Variants in TMEM131 observed in about 807,000 individuals in gnomAD.
TMEM131 encodes the protein transmembrane protein 131.
A neutral mutation model predicts 211.6 loss-of-function variants in TMEM131; 66 were observed. The ratio of observed to expected loss-of-function variants is 0.31; its 90% confidence interval spans 0.26 to 0.38. The LOEUF (loss-of-function observed/expected upper bound fraction) is 0.38, where lower values mean the gene tolerates loss of function less well. TMEM131 is among the 10% of genes least tolerant of loss of function. The pLI is 1.00. For missense variants in TMEM131, 2,036 were observed against 2,299.3 expected (o/e 0.89, Z 2.34); for synonymous variants, 844 against 841.3 (o/e 1.00, Z -0.06).
intron 4 of TMEM131, among the ~76,000 whole-genome samples, chr2:97,885,844 CTA>C (rs907173328): frequency 9.9e-5 from 15 of 152,202 alleles, no homozygotes; most frequent in African/African-American, 3.6e-4. Flanking sequence ...AAGTTTTCAG[CTA>C]CTATTTCATT....
chr2:97,885,353 A>G (rs184940196), intron 4 of TMEM131, among the ~76,000 whole-genome samples: 3,079 of 149,144 alleles, frequency 0.021, 100 homozygotes, highest in African/African-American at 0.074. Flanking sequence ...CACCACGCCC[A>G]GCTAATTTTT....
chr2:97,844,749 A>G (rs1232424256), intron 5 of TMEM131, among the ~76,000 whole-genome samples: 1 of 152,236 alleles, frequency 6.6e-6, no homozygotes, highest in African/African-American at 2.4e-5. Context: ...ATGTATGTGC[A>G]GGAACTCACT....
At chr2:97,886,717 G>A (rs1451692414) in intron 4 of TMEM131, among the ~76,000 whole-genome samples, 6 of 152,154 alleles carry the variant, frequency 3.9e-5, no homozygotes, top group African/African-American at 7.2e-5. Flanking sequence ...GCTCTAAAAC[G>A]CAGGGCTGTT....
intron 40 of TMEM131, among the ~76,000 whole-genome samples, chr2:97,757,822 A>G (rs1190196984): frequency 6.6e-6 from 1 of 152,270 alleles, no homozygotes; most frequent in Non-Finnish European, 1.5e-5. Flanking sequence ...GCAGTGGTGA[A>G]GCATGGCCTT....
intron 10 of TMEM131, among the ~76,000 whole-genome samples, chr2:97,834,118 T>C (rs1357428006): frequency 6.6e-6 from 1 of 152,226 alleles, no homozygotes; most frequent in Non-Finnish European, 1.5e-5. Flanking sequence ...TACATATTAT[T>C]ATATATAGTC....
chr2:97,781,026 G>A (rs531748639), intron 31 of TMEM131, among the ~76,000 whole-genome samples: 6 of 152,144 alleles, frequency 3.9e-5, no homozygotes, highest in African/African-American at 1.2e-4. Flanking sequence ...CTGCTCCCAC[G>A]ATCTCCACAC....
At chr2:97,886,805 T>C (rs1675180701) in intron 4 of TMEM131, among the ~76,000 whole-genome samples, 1 of 152,250 alleles carries the variant, frequency 6.6e-6, no homozygotes, top group Admixed American at 6.5e-5. Flanking sequence ...CAAAGGGCTG[T>C]TTCTCAGGCC....
chr2:97,877,375 C>G (rs1337255363), intron 4 of TMEM131, among the ~76,000 whole-genome samples: 1 of 152,008 alleles, frequency 6.6e-6, no homozygotes, highest in Non-Finnish European at 1.5e-5. Context: ...CATATGGAAC[C>G]AAAAAAGAAC....
At chr2:97,970,141 T>G (rs534249678) in intron 1 of TMEM131, among the ~76,000 whole-genome samples, 23 of 152,324 alleles carry the variant, frequency 1.5e-4, no homozygotes, top group South Asian at 1.2e-3. Flanking sequence ...GTTTTTCTAC[T>G]GGAACCAGCA....
chr2:97,927,948 G>A (rs113920941), intron 1 of TMEM131, among the ~76,000 whole-genome samples: 5 of 152,166 alleles, frequency 3.3e-5, no homozygotes, highest in Admixed American at 1.3e-4. Context: ...GGGATTTGGT[G>A]AGGAAGTGGG....
At chr2:97,943,192 G>A (rs1248355093) in intron 1 of TMEM131, among the ~76,000 whole-genome samples, 7 of 151,844 alleles carry the variant, frequency 4.6e-5, no homozygotes, top group Admixed American at 2.0e-4. Context: ...AAGTGACAGC[G>A]AGCTATGACT....
rs143157616 is a variant in TMEM131 at position 97,756,368 on chromosome 2, A to G, written c.*731T>C. 641 of 152,366 alleles carry G rather than the reference A, an allele frequency of 4.2e-3. 5 individuals carry two copies. The highest frequency in any genetic ancestry group is 0.015 in the African/African-American group (615 of 41,586). The allele number at this position is 152,366 out of a possible 1,614,324, so 9.4% of individuals were successfully genotyped here. Reference sequence around the variant, plus strand: ...AAAAGCATCATTTATTTCAAAGTACAACACAAAGTTGTATTTTTAAGAAAT... The same window carrying G: ...AAAAGCATCATTTATTTCAAAGTACGACACAAAGTTGTATTTTTAAGAAAT... On this transcript the variant is annotated 3_prime_UTR_variant, in exon 41 of 41. Coordinates refer to ENST00000186436, the MANE Select transcript of TMEM131 (RefSeq NM_015348.2).
chr2:97,984,025 T>C (rs1573653073), intron 1 of TMEM131, among the ~76,000 whole-genome samples: 2 of 152,168 alleles, frequency 1.3e-5, no homozygotes, highest in East Asian at 1.9e-4. Flanking sequence ...GGTTTTTACT[T>C]GGGGCTAGCC....
intron 3 of TMEM131, among the ~76,000 whole-genome samples, chr2:97,899,546 ACCTAT>A (rs1427324415): frequency 6.6e-6 from 1 of 152,138 alleles, no homozygotes; most frequent in East Asian, 1.9e-4. Flanking sequence ...AAAATTTCTG[ACCTAT>A]CAGATCAGCA....
Position 97,888,101 on chromosome 2 carries a change from T to C in TMEM131, c.310A>G (p.Asn104Asp). 3 of 1,613,426 alleles carry C rather than the reference T, an allele frequency of 1.9e-6. No individual in the cohort carries two copies. The highest frequency in any genetic ancestry group is 2.5e-6 in the Non-Finnish European group (3 of 1,179,538). ...QQKSISLYRG[N>D]CRPIRFEPPM... ...GGCTCAAATCGTATGGGCCTGCAAT[T>C]CCCCCGGTAGAGAGATATACTGTAA... Residue 104 changes from asparagine (N) to aspartate (D), a missense_variant, in exon 4 of 41, where the codon AAT (asparagine) becomes GAT (aspartate). This residue lies in a region of TMEM131 where 277 missense variants were observed against 378.0 expected (regional missense o/e 0.73). Transcript: ENST00000186436.
chr2:97,813,184 C>T (rs931777012), intron 15 of TMEM131, among the ~76,000 whole-genome samples: 3 of 152,154 alleles, frequency 2.0e-5, no homozygotes, highest in East Asian at 3.9e-4. Context: ...GGAAGCTAAA[C>T]TACTAAGAGA....
chr2:97,849,477 C>CA (rs1683595990), intron 5 of TMEM131, among the ~76,000 whole-genome samples: 1 of 152,078 alleles, frequency 6.6e-6, no homozygotes, highest in Non-Finnish European at 1.5e-5. Context: ...ATGCTATATG[C>CA]TACATGGTTC....
chr2:97,809,413 T>C (rs1681451190), intron 19 of TMEM131, among the ~76,000 whole-genome samples: 1 of 152,192 alleles, frequency 6.6e-6, no homozygotes, highest in African/African-American at 2.4e-5. Context: ...GAGACGTGTA[T>C]TTCCCTCACA....
intron 1 of TMEM131, among the ~76,000 whole-genome samples, chr2:97,969,477 T>G (rs1679202584): frequency 6.6e-6 from 1 of 152,226 alleles, no homozygotes; most frequent in African/African-American, 2.4e-5. Flanking sequence ...CTGCCTGTAT[T>G]ATTTATGTTT....
Sources: gnomAD v4.1 joint callset for allele counts (sites outside exome capture counted in the v4.1 genomes callset) on GRCh38, gnomAD v4.1.1 for gene constraint, gnomAD v4.1.1 regional missense constraint, MANE v1.5 for transcripts, NCBI Gene and HGNC (gene_info 2026-07-23, HGNC 2026-07-21) for gene names.